The following LRRK1 variants were observed in gnomAD, a reference collection of about 807,000 sequenced individuals.
LRRK1 encodes the protein leucine-rich repeat serine/threonine-protein kinase 1.
Under a neutral mutation model 209.1 loss-of-function variants are expected in LRRK1, and 113 were observed. The observed-to-expected ratio is 0.54, with a 90% CI of 0.46 to 0.63. The LOEUF is 0.63. LRRK1 is among the 30% of genes least tolerant of loss of function. The pLI, the probability that LRRK1 is intolerant of heterozygous loss-of-function variation, is 0.00. For synonymous variants in LRRK1, 1,144 were observed against 1,099.7 expected (o/e 1.04, Z -0.80); for missense variants, 2,284 against 2,632.2 (o/e 0.87, Z 2.89).
intron 2 of LRRK1, among the ~76,000 whole-genome samples, chr15:100,966,022 G>A (rs1353286668): frequency 6.6e-6 from 1 of 152,124 alleles, no homozygotes; most frequent in Non-Finnish European, 1.5e-5. Flanking sequence ...AAATCTTTAT[G>A]AGGAAAATAT....
chr15:101,065,267 G>A, intron 31 of LRRK1, 85 bp from the exon 32 acceptor site: 1 of 1,506,364 alleles, frequency 6.6e-7, no homozygotes, highest in Non-Finnish European at 9.0e-7. Flanking sequence ...TGGTGTGGGT[G>A]CAGATGAGTC....
At chr15:100,965,118 CTG>C (rs1264403062) in intron 2 of LRRK1, among the ~76,000 whole-genome samples, 1 of 144,164 alleles carries the variant, frequency 6.9e-6, no homozygotes, top group Non-Finnish European at 1.5e-5. Flanking sequence ...CAGCATTACT[CTG>C]TCATATTCAT....
At position 101,048,537 on chromosome 15, in the gene LRRK1, T is replaced by C; in HGVS notation, c.3179T>C (p.Val1060Ala). 6.3e-7 allele frequency: 1 copy of C among 1,598,318 alleles called. No homozygotes were observed. Among genetic ancestry groups the C allele is most frequent in the Non-Finnish European group, 8.5e-7 (1 of 1,175,302 alleles). ...AATACTAAAAGCAGGAACAGGAAAG[T>C]CACCATTTACAGTTTTACAGGAAAC... The part of the protein sequence containing the change: ...KKNTKSRNRK[V>A]TIYSFTGNQR... The change falls in exon 22 of 34, where the codon GTC becomes GCC. Residue 1060 changes from valine (V) to alanine (A), a missense_variant. Physicochemically the swap from Val to Ala is moderately conservative, Grantham distance 64. Transcript: ENST00000388948.
intron 2 of LRRK1, among the ~76,000 whole-genome samples, chr15:100,946,995 G>A (rs2042551432): frequency 6.6e-6 from 1 of 151,474 alleles, no homozygotes; most frequent in South Asian, 2.1e-4. Context: ...TTTTGAGACG[G>A]AGTCCTGCTC....
intron 23 of LRRK1, 28 bp from the exon 24 acceptor site, chr15:101,051,683 A>G (rs1225137103): frequency 6.2e-7 from 1 of 1,604,676 alleles, no homozygotes; most frequent in East Asian, 2.2e-5. Flanking sequence ...CTTCTTGTGA[A>G]GCTGTCTCCT....
At chr15:100,950,911 G>C (rs921608533) in intron 2 of LRRK1, among the ~76,000 whole-genome samples, 1 of 152,174 alleles carries the variant, frequency 6.6e-6, no homozygotes, top group East Asian at 1.9e-4. Context: ...AGACCATCCT[G>C]GCTAACACGG....
chr15:100,925,351 A>G (rs1373915294), intron 2 of LRRK1, among the ~76,000 whole-genome samples: 1 of 152,242 alleles, frequency 6.6e-6, no homozygotes, highest in Non-Finnish European at 1.5e-5. Flanking sequence ...GGATCAAAAA[A>G]TGATTCATAA....
In LRRK1 at chr15:101,009,016, G is replaced by T. The variant is rs202029522; in HGVS notation, c.942G>T (p.Leu314=). Residue 314 remains leucine (L), a synonymous_variant, in exon 7 of 34, where the codon CTG becomes CTT. Coordinates refer to ENST00000388948, the MANE Select transcript of LRRK1 (RefSeq NM_024652.6). ...AGCTGAACCTCTCCGACAACCACCT[G>T]GGGGAGCTGCCTGGCGTGCAGTCAT... is the stretch of plus-strand genomic sequence containing the variant. The part of the protein sequence containing the change: ...LRKLNLSDNH[L]GELPGVQSSD... The T allele has an allele frequency of 7.1e-5, 114 of 1,614,156 alleles. No homozygotes were observed. The highest frequency in any genetic ancestry group is 9.6e-5 in the Non-Finnish European group (113 of 1,180,016).
Position 101,022,294 on chromosome 15 carries a change from A to G in LRRK1, c.1853-89A>G, listed in dbSNP as rs1223602857. ...TAACTGTCCCCACTAAAACACAAAGAAGGAGTTCCTTCACAACAGGATTTT... is the reference window on the plus strand; with the variant it reads ...TAACTGTCCCCACTAAAACACAAAGGAGGAGTTCCTTCACAACAGGATTTT... On this transcript the variant is annotated intron_variant, in intron 14 of 33. Transcript: ENST00000388948. This position sits in a 1 kb window ranked among gnomAD's most constrained non-coding sequence, Gnocchi z 4.0. The G allele has an allele frequency of 8.0e-7, 1 of 1,256,656 alleles. No individual in the cohort carries two copies. Among genetic ancestry groups the G allele is most frequent in the African/African-American group, 1.5e-5 (1 of 67,984 alleles). 77.8% of individuals were successfully genotyped at this position (1,256,656 alleles called of 1,614,324 possible). A position where few individuals can be genotyped will look rare whatever the true frequency, so the allele number is the denominator to read the frequency against.
At chr15:101,065,048 C>G in intron 31 of LRRK1, 1 of 427,394 alleles carries the variant, frequency 2.3e-6, no homozygotes, top group Non-Finnish European at 4.2e-6. Context: ...AAGAAGCTGG[C>G]AGAAGCAGAG....
At position 101,075,993 on chromosome 15, in the gene LRRK1, C is replaced by A. The variant is rs1251487689; in HGVS notation, c.*7145C>A. 3 of 152,220 alleles carry A rather than the reference C, an allele frequency of 2.0e-5. No individual in the cohort carries two copies. Among genetic ancestry groups the A allele is most frequent in the African/African-American group, 7.2e-5 (3 of 41,442 alleles). 9.4% of individuals were successfully genotyped at this position (152,220 alleles called of 1,614,324 possible). On this transcript the variant is annotated 3_prime_UTR_variant, in exon 34 of 34. Transcript: ENST00000388948. Reference sequence around the variant, plus strand: ...TCTCAGCATAATTCTCATAAAGACACACGTGCTCTCCCTGCCGATCATGTC... The same window carrying A: ...TCTCAGCATAATTCTCATAAAGACAAACGTGCTCTCCCTGCCGATCATGTC...
At chr15:100,948,151 C>A (rs183070753) in intron 2 of LRRK1, among the ~76,000 whole-genome samples, 86 of 152,326 alleles carry the variant, frequency 5.6e-4, no homozygotes, top group East Asian at 3.9e-4. Context: ...GGTGCTACCC[C>A]CAAAGCCAGC....
At position 101,010,878 on chromosome 15, in the gene LRRK1, C is replaced by G. The variant is rs372892293; in HGVS notation, c.1281+41C>G. ...AAAGTCATGAAAGCCACAGTCAACT[C>G]TGCCTCTCAGCTGGCCTCAGAGAGC... On this transcript the variant is annotated intron_variant, in intron 9 of 33. Coordinates refer to ENST00000388948, the MANE Select transcript of LRRK1 (RefSeq NM_024652.6). 4.9e-5 allele frequency: 78 copies of G among 1,582,640 alleles called. 2 individuals carry two copies. Among genetic ancestry groups the G allele is most frequent in the Admixed American group, 2.4e-4 (13 of 55,216 alleles).
chr15:101,032,019 C>T (rs990094289), intron 20 of LRRK1, among the ~76,000 whole-genome samples: 4 of 152,244 alleles, frequency 2.6e-5, no homozygotes, highest in Admixed American at 6.5e-5. Context: ...CAGGGGTGAG[C>T]CACTGCGCCG....
intron 2 of LRRK1, among the ~76,000 whole-genome samples, chr15:100,925,104 A>G (rs2042087561): frequency 6.6e-6 from 1 of 152,230 alleles, no homozygotes; most frequent in African/African-American, 2.4e-5. Context: ...GAATCCCGCT[A>G]TCTCAAACAC....
At chr15:100,933,642 C>T (rs952989689) in intron 2 of LRRK1, among the ~76,000 whole-genome samples, 11 of 151,524 alleles carry the variant, frequency 7.3e-5, no homozygotes, top group African/African-American at 1.5e-4. Flanking sequence ...GCCAACGTGG[C>T]GAAACCCCGT....
chr15:100,978,929 C>T (rs1384160943), intron 3 of LRRK1, among the ~76,000 whole-genome samples: 1 of 151,866 alleles, frequency 6.6e-6, no homozygotes, highest in South Asian at 2.1e-4. Context: ...AAACCAAAGA[C>T]AGTGTTAAAA....
Position 100,989,377 on chromosome 15 carries a change from C to A in LRRK1, c.741C>A (p.Pro247=). Residue 247 remains proline, a synonymous_variant, in exon 6 of 34, where the codon CCC becomes CCA. Coordinates refer to ENST00000388948, the MANE Select transcript of LRRK1 (RefSeq NM_024652.6). The part of the protein sequence containing the change: ...RKYFIEASPL[P]SSYPGKTALR... ...ACTTCATTGAAGCCAGTCCCTTGCC[C>A]AGCAGTTATCCGGGAAAAACAGTGA... The A allele has an allele frequency of 6.2e-7, 1 of 1,614,188 alleles. No individual in the cohort carries two copies. Among genetic ancestry groups the A allele is most frequent in the South Asian group, 1.1e-5 (1 of 91,090 alleles).
At chr15:100,943,371 G>A (rs1164768761) in intron 2 of LRRK1, among the ~76,000 whole-genome samples, 2 of 152,070 alleles carry the variant, frequency 1.3e-5, no homozygotes, top group South Asian at 2.1e-4. Context: ...CATCTGATGG[G>A]GTTAAATGAA....
Sources: allele counts gnomAD v4.1 joint callset (sites outside exome capture counted in the v4.1 genomes callset), GRCh38; gene constraint gnomAD v4.1.1; non-coding constraint Gnocchi (gnomAD v3.1); transcripts MANE v1.5; gene names NCBI Gene and HGNC (gene_info 2026-07-23, HGNC 2026-07-21).